The following GRM8 variants were observed in gnomAD, a reference collection of about 807,000 sequenced individuals.
GRM8 encodes glutamate metabotropic receptor 8, also known as metabotropic glutamate receptor 8.
Under a neutral mutation model 87.2 loss-of-function variants are expected in GRM8, and 47 were observed. The observed-to-expected ratio is 0.54, with a 90% confidence interval of 0.43 to 0.69. The LOEUF (loss-of-function observed/expected upper bound fraction) is 0.69, where lower values mean the gene tolerates loss of function less well. Ranked by LOEUF, GRM8 falls within the 30% of genes least tolerant of loss-of-function variation. The pLI is 0.00. For synonymous variants in GRM8, 396 were observed against 404.5 expected, an observed-to-expected ratio of 0.98 and a Z score of 0.25; for missense variants, 1,019 against 1,139.2, an observed-to-expected ratio of 0.89 and a Z score of 1.52.
At chr7:127,146,882 C>T (rs1193194848) in intron 2 of GRM8, among the ~76,000 whole-genome samples, 2 of 151,994 alleles carry the variant, frequency 1.3e-5, no homozygotes, top group Non-Finnish European at 2.9e-5. Context: ...TAAAAGATGA[C>T]CCCTGTCACC....
chr7:127,228,575 G>C (rs1379135164), intron 2 of GRM8: 2 of 152,142 alleles, frequency 1.3e-5, no homozygotes, highest in East Asian at 1.9e-4. Context: ...GTTTGGATGA[G>C]AGGCTATAGA....
intron 3 of GRM8, among the ~76,000 whole-genome samples, chr7:127,009,237 T>C (rs1030569794): frequency 3.3e-5 from 5 of 152,132 alleles, no homozygotes; most frequent in African/African-American, 1.2e-4. Flanking sequence ...GTGATCTTTA[T>C]CAACATTAAG....
chr7:126,851,424 C>A (rs963143908), intron 6 of GRM8, among the ~76,000 whole-genome samples: 1 of 152,154 alleles, frequency 6.6e-6, no homozygotes, highest in Admixed American at 6.5e-5. Context: ...TCATGCCACC[C>A]ATCTGTGGAA....
chr7:126,962,795 C>A (rs905476791), intron 3 of GRM8, among the ~76,000 whole-genome samples: 10 of 152,208 alleles, frequency 6.6e-5, no homozygotes, highest in Non-Finnish European at 4.4e-5. Context: ...CCACAACCCA[C>A]ATATTTGCTC....
At chr7:126,818,544 C>G (rs1357958749) in intron 6 of GRM8, among the ~76,000 whole-genome samples, 1 of 152,128 alleles carries the variant, frequency 6.6e-6, no homozygotes, top group African/African-American at 2.4e-5. Flanking sequence ...AATCTTTCAG[C>G]TATAATAATT....
At chr7:126,910,379 C>T (rs2402837) in intron 3 of GRM8, among the ~76,000 whole-genome samples, 3 of 152,010 alleles carry the variant, frequency 2.0e-5, no homozygotes, top group African/African-American at 2.4e-5. Flanking sequence ...TGTATCACTG[C>T]GTTTGGTACA....
chr7:126,705,052 T>A (rs1810347854), intron 7 of GRM8, among the ~76,000 whole-genome samples: 1 of 152,124 alleles, frequency 6.6e-6, no homozygotes, highest in Non-Finnish European at 1.5e-5. Context: ...ACATGTGATG[T>A]CTCCCCTGGA....
At chr7:126,886,208 T>C (rs769099558) in intron 6 of GRM8, among the ~76,000 whole-genome samples, 1 of 152,144 alleles carries the variant, frequency 6.6e-6, no homozygotes, top group African/African-American at 2.4e-5. Flanking sequence ...CCCCACATTA[T>C]TGCCAGGAAT....
rs1280972653 is a variant in GRM8, at chr7:126,528,697, T to C, written c.2430+4255A>G. Among the ~76,000 whole-genome samples, 3 of 152,012 alleles carry C rather than the reference T, an allele frequency of 2.0e-5. No homozygotes were observed. The East Asian group carries it at 5.8e-4, about 29-fold the overall frequency. Reference sequence around the variant, plus strand: ...CCTTTTCCTGCTTTTCCCCAGAATATATGAACTCAAGTCTTCTCTAGTTCG... The same window carrying C: ...CCTTTTCCTGCTTTTCCCCAGAATACATGAACTCAAGTCTTCTCTAGTTCG... On this transcript the variant is annotated intron_variant, in intron 9 of 10. Transcript: ENST00000339582.
At chr7:127,147,609 A>T (rs763845735) in intron 2 of GRM8, among the ~76,000 whole-genome samples, 3 of 151,976 alleles carry the variant, frequency 2.0e-5, no homozygotes, top group Non-Finnish European at 4.4e-5. Flanking sequence ...TATTTCTAAT[A>T]TCCTCTAATC....
At chr7:126,725,319 T>C (rs1563127596) in intron 7 of GRM8, among the ~76,000 whole-genome samples, 1 of 152,198 alleles carries the variant, frequency 6.6e-6, no homozygotes, top group Non-Finnish European at 1.5e-5. Context: ...AACATGCCCT[T>C]GTCAGGCCCC....
Position 127,242,637 on chromosome 7 carries a change from G to A in GRM8, c.510+58C>T, listed in dbSNP as rs149262929. ...CACTTTCTTCTTAAACCTGCAGTAGGAGTCATAGCATTTCATTGTTCTTTC... is the reference window on the plus strand; with the variant it reads ...CACTTTCTTCTTAAACCTGCAGTAGAAGTCATAGCATTTCATTGTTCTTTC... On this transcript the variant is annotated intron_variant, in intron 2 of 10. Transcript: ENST00000339582. 4 of 1,473,372 alleles carry A rather than the reference G, an allele frequency of 2.7e-6. No homozygotes were observed. The South Asian group carries it at 3.8e-5, about 14-fold the overall frequency. The allele number at this position is 1,473,372 out of a possible 1,614,324, so 91.3% of individuals were successfully genotyped here.
chr7:126,827,919 G>A (rs1478796643), intron 6 of GRM8, among the ~76,000 whole-genome samples: 1 of 152,298 alleles, frequency 6.6e-6, no homozygotes, highest in Admixed American at 6.5e-5. Flanking sequence ...TTTTTAGCAT[G>A]AAGGGTTGTT....
chr7:127,098,097 C>A (rs1036540792), intron 3 of GRM8, among the ~76,000 whole-genome samples: 1 of 152,156 alleles, frequency 6.6e-6, no homozygotes, highest in Non-Finnish European at 1.5e-5. Context: ...CCTGCAGTTC[C>A]AATTTGCAAT....
chr7:127,190,679 AAGC>A lies in GRM8; in HGVS notation c.510+52013_510+52015del, dbSNP rs1251661093. On this transcript the variant is annotated intron_variant, in intron 2 of 10. Coordinates refer to ENST00000339582, the MANE Select transcript of GRM8 (RefSeq NM_000845.3). ...CCAGGTATATTTACATAAAAATAAA[AAGC>A]AGAGTATTATGAATTTATGAATTGC... Among the ~76,000 whole-genome samples, 3 of 152,332 alleles carry A rather than the reference AAGC, an allele frequency of 2.0e-5. No homozygotes were observed. The East Asian group carries it at 5.8e-4, about 29-fold the overall frequency.
intron 6 of GRM8, among the ~76,000 whole-genome samples, chr7:126,901,090 G>C (rs1802031600): frequency 1.3e-5 from 2 of 152,130 alleles, no homozygotes; most frequent in Non-Finnish European, 2.9e-5. Flanking sequence ...AGCCTCAGCT[G>C]TCATCACGCT....
At chr7:126,943,920 C>T (rs1017353526) in intron 3 of GRM8, among the ~76,000 whole-genome samples, 27 of 152,210 alleles carry the variant, frequency 1.8e-4, no homozygotes, top group African/African-American at 6.0e-4. Flanking sequence ...CTAAAGGACT[C>T]GTTTCACCCA....
chr7:127,150,086 G>A (rs1828771411), intron 2 of GRM8, among the ~76,000 whole-genome samples: 1 of 151,974 alleles, frequency 6.6e-6, no homozygotes, highest in Admixed American at 6.6e-5. Flanking sequence ...CTTCACTATA[G>A]TAACCTTTTT....
At chr7:126,693,422 C>T (rs1335169531) in intron 7 of GRM8, among the ~76,000 whole-genome samples, 1 of 152,122 alleles carries the variant, frequency 6.6e-6, no homozygotes, top group East Asian at 1.9e-4. Context: ...AATTAGCATT[C>T]TTCTTTCAGT....
Sources: allele counts gnomAD v4.1 joint callset (sites outside exome capture counted in the v4.1 genomes callset), GRCh38; gene constraint gnomAD v4.1.1; transcripts MANE v1.5; gene names NCBI Gene and HGNC (gene_info 2026-07-23, HGNC 2026-07-21).